The following MYH11 variants were observed in gnomAD, a reference collection of about 807,000 sequenced individuals.
MYH11 encodes myosin heavy chain 11.
Under a neutral mutation model 246.6 loss-of-function variants are expected in MYH11, and 80 were observed. The observed-to-expected ratio is 0.32, with a 90% CI of 0.27 to 0.39. MYH11 has a LOEUF of 0.39. Ranked by LOEUF, MYH11 falls within the 10% of genes least tolerant of loss-of-function variation. The probability of loss-of-function intolerance (pLI) is 1.00; values close to 1 mark genes in which losing one functional copy is unlikely to be tolerated. For synonymous variants in MYH11, 1,071 were observed against 1,015.5 expected, an observed-to-expected ratio of 1.05 and a Z score of -1.04; for missense variants, 2,158 against 2,546.8, an observed-to-expected ratio of 0.85 and a Z score of 3.29.
Position 15,786,393 on chromosome 16 carries a change from A to AT in MYH11, c.633+236dup, listed in dbSNP as rs2042469550. 5.6e-6 allele frequency: 4 copies of AT among 717,004 alleles called. No homozygotes were observed. The South Asian group carries it at 5.8e-5, about 10-fold the overall frequency. 44.4% of individuals were successfully genotyped at this position (717,004 alleles called of 1,614,324 possible). A position where few individuals can be genotyped will look rare whatever the true frequency, so the allele number is the denominator to read the frequency against. ...ATCTCGCTATGGAAGGAAAGGGCTT[A>AT]TTCTCATTTCACAAAACGGGCCCCC... is the stretch of plus-strand genomic sequence containing the variant. On this transcript the variant is annotated intron_variant, in intron 5 of 40. Transcript: ENST00000300036.
At chr16:15,827,043 C>T (rs1033334648) in intron 2 of MYH11, among the ~76,000 whole-genome samples, 8 of 146,928 alleles carry the variant, frequency 5.4e-5, no homozygotes, top group Non-Finnish European at 8.9e-5. Flanking sequence ...TTGATGGAGA[C>T]GGAGGTTCTC....
At chr16:15,739,539 A>G (rs1004749911) in intron 23 of MYH11, among the ~76,000 whole-genome samples, 2 of 152,176 alleles carry the variant, frequency 1.3e-5, no homozygotes, top group Admixed American at 6.6e-5. Context: ...TGCATCTAAC[A>G]CAGAGCCTGG....
chr16:15,724,287 G>A lies in MYH11; in HGVS notation c.4239C>T (p.Ala1413=), dbSNP rs138573101. The A allele has an allele frequency of 4.3e-4, 691 of 1,614,148 alleles. 1 individual carries two copies. The African/African-American group carries it at 7.9e-3, about 19-fold the overall frequency. Residue 1413 remains alanine, a synonymous_variant, in exon 31 of 41, where the codon GCC becomes GCT. Transcript: ENST00000300036. ...TGGTCTTTTCCAGTTTATCATAAGC[G>A]GCCGCCTTCTCCTCGTACTGCTGGG... is the stretch of plus-strand genomic sequence containing the variant. ...NLTQQYEEKA[A]AYDKLEKTKN...
rs1226716845 is a variant in MYH11, at chr16:15,738,587, T to C, written c.3099A>G (p.Glu1033=). 1.9e-6 allele frequency: 3 copies of C among 1,613,860 alleles called. No homozygotes were observed. The highest frequency in any genetic ancestry group is 1.7e-5 in the Admixed American group (1 of 59,998). ...KNLTKLKNKH[E]SMISELEVRL... ...TACCTTCCAGTTCTGAAATCATAGA[T>C]TCATGCTTGTTTTTCAGCTTGGTAA... is the stretch of plus-strand genomic sequence containing the variant. Residue 1033 remains glutamate, a synonymous_variant, in exon 24 of 41, where the codon GAA becomes GAG. Transcript: ENST00000300036.
At chr16:15,733,570 T>G (rs2041029491) in intron 26 of MYH11, among the ~76,000 whole-genome samples, 1 of 150,566 alleles carries the variant, frequency 6.6e-6, no homozygotes, top group African/African-American at 2.5e-5. Context: ...TCTTATCGAG[T>G]CTTGCTCCGT....
At chr16:15,834,935 C>T (rs1228576407) in intron 2 of MYH11, among the ~76,000 whole-genome samples, 1 of 139,058 alleles carries the variant, frequency 7.2e-6, no homozygotes, top group African/African-American at 2.7e-5. Flanking sequence ...TTTTAATTAG[C>T]CAGGTGTGGT....
intron 19 of MYH11, among the ~76,000 whole-genome samples, chr16:15,745,643 G>A (rs1222402474): frequency 4.1e-5 from 6 of 145,912 alleles, no homozygotes; most frequent in Admixed American, 1.4e-4. Flanking sequence ...GCTGGAGTGC[G>A]GTGGCACGAT....
Position 15,719,354 on chromosome 16 carries a change from G to T in MYH11, c.5083-46C>A, listed in dbSNP as rs11646134. ...CTGTTGTCTGCCAGGGAAAGGCCAAGCCCCACCAAGAGTCCACCCTGACAA... is the reference window on the plus strand; with the variant it reads ...CTGTTGTCTGCCAGGGAAAGGCCAATCCCCACCAAGAGTCCACCCTGACAA... On this transcript the variant is annotated intron_variant, in intron 35 of 40. Coordinates refer to ENST00000300036, the MANE Select transcript of MYH11 (RefSeq NM_002474.3). The T allele has an allele frequency of 0.48, 767,588 of 1,588,244 alleles. 191,199 individuals carry two copies. Among genetic ancestry groups the T allele is most frequent in the Middle Eastern group, 0.6 (3,633 of 6,038 alleles).
chr16:15,808,857 C>A (rs889242685), intron 3 of MYH11, among the ~76,000 whole-genome samples: 1 of 152,070 alleles, frequency 6.6e-6, no homozygotes, highest in African/African-American at 2.4e-5. Flanking sequence ...TGTGCCACTG[C>A]GCTCTAGCTT....
At position 15,703,695 on chromosome 16, in the gene MYH11, C is replaced by T. The variant is rs2151159111; in HGVS notation, c.*296G>A. The stretch of plus-strand genomic sequence containing the variant: ...CCTCGAAGTCCTGGGCTGGAGCGTT[C>T]TTCCTGGCTCAGCCTCCCTAGTAGC... On this transcript the variant is annotated 3_prime_UTR_variant, in exon 41 of 41. Coordinates refer to ENST00000300036, the MANE Select transcript of MYH11 (RefSeq NM_002474.3). 1 of 459,414 alleles carries T rather than the reference C, an allele frequency of 2.2e-6. No individual in the cohort carries two copies. The highest frequency in any genetic ancestry group is 3.9e-5 in the East Asian group (1 of 25,936). 28.5% of individuals were successfully genotyped at this position (459,414 alleles called of 1,614,324 possible).
In MYH11 at chr16:15,753,398, C is replaced by T; in HGVS notation, c.1860G>A (p.Lys620=). ...CCCGAGCAGAGAAGGCCTTACCGTC[C>T]TTCCACAGGTCGGCCACAAACTTGT... ...SSDKFVADLW[K]DVDRIVGLDQ... is the part of the protein sequence containing the mutation. The change falls in exon 15 of 41, where the codon AAG becomes AAA. Residue 620 remains lysine, a synonymous_variant. Coordinates refer to ENST00000300036, the MANE Select transcript of MYH11 (RefSeq NM_002474.3). 6.2e-7 allele frequency: 1 copy of T among 1,613,940 alleles called. No homozygotes were observed. The highest frequency in any genetic ancestry group is 8.5e-7 in the Non-Finnish European group (1 of 1,179,820).
Position 15,726,837 on chromosome 16 carries a change from C to G in MYH11, c.3858+11G>C. On this transcript the variant is annotated intron_variant, in intron 28 of 40. Transcript: ENST00000300036. ...AGCACTGCCCACCACACCACCGCGC[C>G]ACCTCCTCACCTGCAGCTTGTGGAC... is the stretch of plus-strand genomic sequence containing the variant. The G allele has an allele frequency of 6.2e-7, 1 of 1,611,412 alleles. No homozygotes were observed. The highest frequency in any genetic ancestry group is 8.5e-7 in the Non-Finnish European group (1 of 1,179,964).
At position 15,759,648 on chromosome 16, in the gene MYH11, G is replaced by A; in HGVS notation, c.1329C>T (p.Ala443=). 1 of 1,614,134 alleles carries A rather than the reference G, an allele frequency of 6.2e-7. No homozygotes were observed. ...CCCCTTGCCGATGGGTCTTGTCCAG[G>A]GCTTTGTTCACGCGGGTGAGTATCC... ...FRWILTRVNK[A]LDKTHRQGAS... is the part of the protein sequence containing the mutation. The change falls in exon 12 of 41, where the codon GCC becomes GCT. Residue 443 remains alanine (A), a synonymous_variant. Coordinates refer to ENST00000300036, the MANE Select transcript of MYH11 (RefSeq NM_002474.3).
chr16:15,719,288 C>T lies in MYH11; in HGVS notation c.5103G>A (p.Arg1701=). ...QLQEDLAAAE[R]ARKQADLEKE... is the part of the protein sequence containing the mutation. The stretch of plus-strand genomic sequence containing the variant: ...TCTCGAGGTCCGCTTGTTTGCGAGC[C>T]CTCTCAGCGGCGGCGAGGTCCTAGG... The change falls in exon 36 of 41, where the codon AGG becomes AGA. Residue 1701 remains arginine, a synonymous_variant. Coordinates refer to ENST00000300036, the MANE Select transcript of MYH11 (RefSeq NM_002474.3). The T allele has an allele frequency of 1.2e-6, 2 of 1,612,414 alleles. No homozygotes were observed. Among genetic ancestry groups the T allele is most frequent in the Non-Finnish European group, 1.7e-6 (2 of 1,180,018 alleles).
At chr16:15,737,373 A>T in intron 25 of MYH11, 76 bp downstream of exon 25, 1 of 1,587,100 alleles carries the variant, frequency 6.3e-7, no homozygotes, top group Non-Finnish European at 8.6e-7. Context: ...CAAGACAGCC[A>T]CTGCGAATGA....
At chr16:15,787,635 G>A (rs765453319) in intron 4 of MYH11, among the ~76,000 whole-genome samples, 4 of 151,512 alleles carry the variant, frequency 2.6e-5, no homozygotes, top group Non-Finnish European at 5.9e-5. Flanking sequence ...CAGCACACTC[G>A]GCTAATTTTT....
At chr16:15,855,721 C>T (rs80205263) in intron 1 of MYH11, among the ~76,000 whole-genome samples, 1,827 of 152,326 alleles carry the variant, frequency 0.012, 12 homozygotes, top group Middle Eastern at 0.038. Context: ...TTATTTCACA[C>T]CCTGCCACCT....
intron 2 of MYH11, among the ~76,000 whole-genome samples, chr16:15,830,504 G>A (rs2043705061): frequency 6.6e-6 from 1 of 152,180 alleles, no homozygotes; most frequent in African/African-American, 2.4e-5. Context: ...TGCAAAGATT[G>A]AGACGCACAA....
intron 4 of MYH11, among the ~76,000 whole-genome samples, chr16:15,795,611 C>G (rs746535296): frequency 1.2e-4 from 18 of 152,082 alleles, no homozygotes; most frequent in Non-Finnish European, 2.1e-4. Flanking sequence ...AACTCCATCT[C>G]AAAAACAAAC....
Sources: gnomAD v4.1 joint callset for allele counts (sites outside exome capture counted in the v4.1 genomes callset) on GRCh38, gnomAD v4.1.1 for gene constraint, MANE v1.5 for transcripts, NCBI Gene and HGNC (gene_info 2026-07-23, HGNC 2026-07-21) for gene names.